EVC: variants seen among roughly 807,000 people sequenced by gnomAD.
The protein encoded by EVC is EvC ciliary complex subunit 1, also known as evC complex member EVC.
A neutral mutation model predicts 118.9 loss-of-function variants in EVC; 116 were observed. That is an observed-to-expected ratio of 0.98 (90% CI 0.84 to 1.14). The LOEUF is 1.14. EVC is among the 50% of genes most tolerant of loss of function. EVC has a pLI of 0.00. For synonymous variants in EVC, 619 were observed against 534.7 expected, an observed-to-expected ratio of 1.16 and a Z score of -2.18; for missense variants, 1,401 against 1,246.4, an observed-to-expected ratio of 1.12 and a Z score of -1.87.
intron 2 of EVC, among the ~76,000 whole-genome samples, chr4:5,726,425 G>A (rs568576578): frequency 2.9e-4 from 44 of 152,304 alleles, no homozygotes; most frequent in African/African-American, 1.0e-3. Flanking sequence ...AGATGCAGAG[G>A]ATGTGGGGAT....
At chr4:5,735,668 A>T (rs1727547888) in intron 5 of EVC, among the ~76,000 whole-genome samples, 2 of 152,254 alleles carry the variant, frequency 1.3e-5, no homozygotes, top group South Asian at 4.1e-4. Context: ...GAGGAACCTG[A>T]GGTTCAGAGA....
At chr4:5,767,145 T>C (rs1332938460) in intron 11 of EVC, among the ~76,000 whole-genome samples, 1 of 151,688 alleles carries the variant, frequency 6.6e-6, no homozygotes, top group East Asian at 2.0e-4. Context: ...TGCAGGTCTG[T>C]TGGAGTACCC....
intron 11 of EVC, among the ~76,000 whole-genome samples, chr4:5,760,437 C>T (rs1731832908): frequency 6.6e-6 from 1 of 152,016 alleles, no homozygotes; most frequent in African/African-American, 2.4e-5. Context: ...AGGGGTGATA[C>T]CTGCTGGAGT....
the EVC span, chr4:5,821,928 C>T: frequency 8.9e-7 from 1 of 1,129,848 alleles, no homozygotes; most frequent in African/African-American, 2.5e-5. The surrounding 1 kb of genome is among the most constrained non-coding windows in gnomAD (Gnocchi z 4.4). Flanking sequence ...GCCATGTACT[C>T]TGCCATGCAC....
At chr4:5,760,272 A>G (rs1731807425) in intron 11 of EVC, among the ~76,000 whole-genome samples, 2 of 152,042 alleles carry the variant, frequency 1.3e-5, no homozygotes, top group South Asian at 2.1e-4. Flanking sequence ...CAGTTTCAAT[A>G]AAGAGTTGTC....
chr4:5,827,676 G>A, the EVC span, among the ~76,000 whole-genome samples: 14,416 of 151,430 alleles, frequency 0.095, 1,339 homozygotes, highest in African/African-American at 0.25. Context: ...ACATACACAC[G>A]TGCATGCATG....
At position 5,793,612 on chromosome 4, in the gene EVC, G is replaced by C. The variant is rs1486916945; in HGVS notation, c.1781G>C (p.Trp594Ser). Reference protein sequence around the residue: ...QELLEQDQQVWMEECALSSVL... With the variant: ...QELLEQDQQVSMEECALSSVL... Reference sequence around the variant, plus strand: ...GTCCCTCTGTCCCGAGTTCAGGTGTGGATGGAGGAGTGTGCGCTGTCCAGC... The same window carrying C: ...GTCCCTCTGTCCCGAGTTCAGGTGTCGATGGAGGAGTGTGCGCTGTCCAGC... The change falls in exon 13 of 21, where the codon TGG (tryptophan) becomes TCG (serine). Residue 594 changes from tryptophan to serine, a missense_variant. Transcript: ENST00000264956. The C allele has an allele frequency of 1.9e-6, 3 of 1,551,042 alleles. No individual in the cohort carries two copies. Among genetic ancestry groups the C allele is most frequent in the Non-Finnish European group, 2.6e-6 (3 of 1,146,862 alleles).
At chr4:5,740,508 G>T (rs1049623110) in intron 5 of EVC, among the ~76,000 whole-genome samples, 1 of 150,168 alleles carries the variant, frequency 6.7e-6, no homozygotes, top group Non-Finnish European at 1.5e-5. Flanking sequence ...AAATATAAGA[G>T]AAATTCTCCA....
At chr4:5,758,575 G>C (rs1210408627) in intron 11 of EVC, among the ~76,000 whole-genome samples, 1 of 152,180 alleles carries the variant, frequency 6.6e-6, no homozygotes, top group African/African-American at 2.4e-5. Flanking sequence ...CCCCAGAGGA[G>C]TCAAGACTCA....
the EVC span, among the ~76,000 whole-genome samples, chr4:5,827,710 T>C: frequency 2.0e-5 from 3 of 148,734 alleles, no homozygotes; most frequent in Admixed American, 1.3e-4. Flanking sequence ...ATGACACGCA[T>C]AGACATACAC....
At chr4:5,767,875 G>A (rs180970046) in intron 11 of EVC, among the ~76,000 whole-genome samples, 139 of 152,296 alleles carry the variant, frequency 9.1e-4, no homozygotes, top group African/African-American at 3.1e-3. Context: ...CGTCGCTCAC[G>A]CTGGGAGCTG....
chr4:5,754,172 G>C lies in EVC; in HGVS notation c.1464+239G>C, dbSNP rs1224488424. On this transcript the variant is annotated intron_variant, in intron 10 of 20. Transcript: ENST00000264956. This position sits in a 1 kb window ranked among gnomAD's most constrained non-coding sequence, Gnocchi z 5.8. Reference sequence around the variant, plus strand: ...ACTGGGCTGCTGAGAAGAGGAGGGGGTAGGATCCGTAGAGAGCTTGGCAGA... The same window carrying C: ...ACTGGGCTGCTGAGAAGAGGAGGGGCTAGGATCCGTAGAGAGCTTGGCAGA... Among the ~76,000 whole-genome samples, 1 of 152,200 alleles carries C rather than the reference G, an allele frequency of 6.6e-6. No homozygotes were observed. Among genetic ancestry groups the C allele is most frequent in the African/African-American group, 2.4e-5 (1 of 41,458 alleles).
At position 5,770,929 on chromosome 4, in the gene EVC, T is replaced by C. The variant is rs186226466; in HGVS notation, c.1564-12623T>C. On this transcript the variant is annotated intron_variant, in intron 11 of 20. Transcript: ENST00000264956. The stretch of plus-strand genomic sequence containing the variant: ...TTGGGAGGCTGAGGCAGGAGAATTG[T>C]TGAACCCGGGAGGCAGAGGTTGCAG... 9.3e-4 allele frequency among the ~76,000 whole-genome samples: 142 copies of C among 151,960 alleles called. 3 individuals are homozygous for C. The East Asian group carries it at 0.023, about 24-fold the overall frequency.
chr4:5,744,021 T>C (rs1262986336), intron 6 of EVC, among the ~76,000 whole-genome samples: 1 of 152,234 alleles, frequency 6.6e-6, no homozygotes, highest in African/African-American at 2.4e-5. Context: ...TAAACAAGGC[T>C]GTCTGAACTT....
intron 19 of EVC, among the ~76,000 whole-genome samples, chr4:5,809,984 C>A (rs1716621604): frequency 6.6e-6 from 1 of 152,164 alleles, no homozygotes; most frequent in Admixed American, 6.5e-5. Flanking sequence ...TGTGAGAACA[C>A]AGAGATCTAC....
At chr4:5,725,542 A>G (rs1426361783) in intron 2 of EVC, among the ~76,000 whole-genome samples, 2 of 152,124 alleles carry the variant, frequency 1.3e-5, no homozygotes, top group South Asian at 2.1e-4. Flanking sequence ...ATGTCTGTTC[A>G]TGTCCTTTGC....
At chr4:5,767,221 G>C (rs1041320618) in intron 11 of EVC, among the ~76,000 whole-genome samples, 1 of 152,100 alleles carries the variant, frequency 6.6e-6, no homozygotes, top group Non-Finnish European at 1.5e-5. Flanking sequence ...CGGGGGCCAG[G>C]GTTCAGGGAC....
At chr4:5,815,757 T>C (rs1577687128), downstream of EVC, among the ~76,000 whole-genome samples, 1 of 152,270 alleles carries the variant, frequency 6.6e-6, no homozygotes, top group East Asian at 1.9e-4. Context: ...TGCAGTTCGG[T>C]GCTTTGAGTA....
rs139286260 is a variant in EVC at position 5,732,781 on chromosome 4, G to T, written c.618-570G>T. On this transcript the variant is annotated intron_variant, in intron 4 of 20. Transcript: ENST00000264956. ...ATCCCAACATTTGGGAGGCCAAGGTGGGTGGATTGCTTGAGCTCGGGAGTT... is the reference window on the plus strand; with the variant it reads ...ATCCCAACATTTGGGAGGCCAAGGTTGGTGGATTGCTTGAGCTCGGGAGTT... 2.6e-5 allele frequency among the ~76,000 whole-genome samples: 4 copies of T among 152,328 alleles called. 1 individual carries two copies. Among genetic ancestry groups the T allele is most frequent in the Non-Finnish European group, 5.9e-5 (4 of 68,028 alleles).
Sources: allele counts gnomAD v4.1 joint callset (sites outside exome capture counted in the v4.1 genomes callset), GRCh38; gene constraint gnomAD v4.1.1; non-coding constraint Gnocchi (gnomAD v3.1); transcripts MANE v1.5; gene names NCBI Gene and HGNC (gene_info 2026-07-23, HGNC 2026-07-21).